Variants in DSCAM observed in about 807,000 individuals in gnomAD.
DSCAM encodes DS cell adhesion molecule, also known as cell adhesion molecule DSCAM.
In DSCAM, 47 loss-of-function variants were observed where a neutral mutation model predicts 217.7. The ratio of observed to expected loss-of-function variants is 0.22; its 90% CI spans 0.17 to 0.28. The LOEUF (loss-of-function observed/expected upper bound fraction) is 0.28, where lower values mean the gene tolerates loss of function less well. Ranked by LOEUF, DSCAM falls within the 10% of genes least tolerant of loss-of-function variation. DSCAM has a pLI of 1.00. For synonymous variants in DSCAM, 1,056 were observed against 1,015.3 expected, an observed-to-expected ratio of 1.04 and a Z score of -0.76; for missense variants, 2,080 against 2,618.3, an observed-to-expected ratio of 0.79 and a Z score of 4.49.
rs764601633 is a variant in DSCAM, at chr21:40,055,878, T to C, written c.4920-38A>G. 4.0e-6 allele frequency: 6 copies of C among 1,507,166 alleles called. No individual in the cohort carries two copies. The African/African-American group carries it at 6.9e-5, about 17-fold the overall frequency. 93.4% of individuals were successfully genotyped at this position (1,507,166 alleles called of 1,614,324 possible). On this transcript the variant is annotated intron_variant, in intron 28 of 32. Transcript: ENST00000400454. ...TGGGGTAATGCATTAACAAATCCAG[T>C]TCAGTGTTAACATTCTACCAACATG... is the stretch of plus-strand genomic sequence containing the variant.
intron 3 of DSCAM, among the ~76,000 whole-genome samples, chr21:40,463,094 C>T (rs1468123203): frequency 6.6e-6 from 1 of 152,012 alleles, no homozygotes; most frequent in African/African-American, 2.4e-5. Context: ...CCACATTTGA[C>T]ATATAAAACA....
intron 20 of DSCAM, among the ~76,000 whole-genome samples, chr21:40,097,640 C>T (rs977487838): frequency 6.6e-6 from 1 of 152,052 alleles, no homozygotes; most frequent in African/African-American, 2.4e-5. Context: ...ATGCTGCTTA[C>T]AAGAAATGTA....
intron 3 of DSCAM, among the ~76,000 whole-genome samples, chr21:40,381,266 G>A (rs2075022143): frequency 1.3e-5 from 2 of 152,014 alleles, no homozygotes; most frequent in Non-Finnish European, 2.9e-5. Context: ...TTTGGACTTT[G>A]GGGAATTGAA....
intron 3 of DSCAM, among the ~76,000 whole-genome samples, chr21:40,514,549 C>G (rs549160640): frequency 6.6e-6 from 1 of 152,172 alleles, no homozygotes; most frequent in Non-Finnish European, 1.5e-5. Flanking sequence ...CAATAAATAG[C>G]AGACAGACTA....
At chr21:40,282,221 A>G (rs1403050676) in intron 10 of DSCAM, among the ~76,000 whole-genome samples, 3 of 152,198 alleles carry the variant, frequency 2.0e-5, no homozygotes, top group Non-Finnish European at 2.9e-5. Flanking sequence ...CTGTAAATTG[A>G]GAATAGATTT....
intron 11 of DSCAM, among the ~76,000 whole-genome samples, chr21:40,266,419 A>C (rs1456123585): frequency 6.6e-6 from 1 of 152,070 alleles, no homozygotes; most frequent in African/African-American, 2.4e-5. Flanking sequence ...AAATTAGCAC[A>C]ATCTCTACAG....
intron 10 of DSCAM, among the ~76,000 whole-genome samples, chr21:40,289,711 G>T (rs1476149629): frequency 6.6e-6 from 1 of 152,206 alleles, no homozygotes; most frequent in Non-Finnish European, 1.5e-5. Flanking sequence ...GTATGCATGT[G>T]TAGGAAAGCG....
intron 3 of DSCAM, among the ~76,000 whole-genome samples, chr21:40,619,825 A>G (rs1046317022): frequency 6.7e-6 from 1 of 149,316 alleles, no homozygotes; most frequent in African/African-American, 2.5e-5. Context: ...TGAACAGAGA[A>G]GATTTTAAGC....
At chr21:40,746,481 C>A (rs1480616190) in intron 1 of DSCAM, among the ~76,000 whole-genome samples, 1 of 151,162 alleles carries the variant, frequency 6.6e-6, no homozygotes, top group Admixed American at 6.6e-5. Context: ...ACAAAGGGAT[C>A]AATACAGAAA....
intron 27 of DSCAM, among the ~76,000 whole-genome samples, chr21:40,067,804 G>A (rs956771801): frequency 1.5e-5 from 2 of 133,594 alleles, no homozygotes; most frequent in Non-Finnish European, 3.1e-5. Flanking sequence ...TATAATTCCT[G>A]GTCCACGTTT....
chr21:40,374,654 T>C (rs775728369), intron 3 of DSCAM, among the ~76,000 whole-genome samples: 2 of 152,236 alleles, frequency 1.3e-5, no homozygotes, highest in East Asian at 1.9e-4. Context: ...GCACAAAATT[T>C]ATATGATGAA....
chr21:40,619,878 G>C (rs1160376087), intron 3 of DSCAM, among the ~76,000 whole-genome samples: 2 of 149,420 alleles, frequency 1.3e-5, no homozygotes, highest in African/African-American at 4.9e-5. Context: ...AGTAATTAAG[G>C]TAATATCATT....
intron 10 of DSCAM, among the ~76,000 whole-genome samples, chr21:40,293,227 C>A (rs139720572): frequency 6.6e-6 from 1 of 152,234 alleles, no homozygotes; most frequent in Non-Finnish European, 1.5e-5. Flanking sequence ...CAGAGAGATG[C>A]TGGCAAAATT....
At chr21:40,845,621 T>C (rs1382282663) in intron 1 of DSCAM, among the ~76,000 whole-genome samples, 1 of 151,882 alleles carries the variant, frequency 6.6e-6, no homozygotes, top group African/African-American at 2.4e-5. Context: ...TCTCTCTCTC[T>C]CTCCTCTCTT....
In DSCAM at chr21:40,186,604, C is replaced by T. The variant is rs975974331; in HGVS notation, c.2779+527G>A. 5.9e-5 allele frequency among the ~76,000 whole-genome samples: 9 copies of T among 152,144 alleles called. 1 individual carries two copies. The highest frequency in any genetic ancestry group is 2.6e-4 in the Admixed American group (4 of 15,276). Reference sequence around the variant, plus strand: ...GGCCGAGTGGTCCTGGGTGCAGCAGCCAGTGTCGCCGATGGTCCCTGAGCA... The same window carrying T: ...GGCCGAGTGGTCCTGGGTGCAGCAGTCAGTGTCGCCGATGGTCCCTGAGCA... On this transcript the variant is annotated intron_variant, in intron 14 of 32. Transcript: ENST00000400454.
chr21:40,592,769 G>A (rs2076992974), intron 3 of DSCAM, among the ~76,000 whole-genome samples: 1 of 152,080 alleles, frequency 6.6e-6, no homozygotes, highest in African/African-American at 2.4e-5. Flanking sequence ...TTTCTTCACC[G>A]CACTTGTATC....
chr21:40,324,132 GAA>G (rs796310854), intron 8 of DSCAM, among the ~76,000 whole-genome samples: 1 of 80,164 alleles, frequency 1.2e-5, no homozygotes, highest in African/African-American at 4.9e-5. Context: ...AAAAAAAAAA[GAA>G]AAAAAAAAGA....
At chr21:40,327,416 A>C (rs1456274518) in intron 8 of DSCAM, among the ~76,000 whole-genome samples, 1 of 152,204 alleles carries the variant, frequency 6.6e-6, no homozygotes, top group Non-Finnish European at 1.5e-5. Context: ...ACTTTACTGA[A>C]TTGGTTTATT....
intron 20 of DSCAM, among the ~76,000 whole-genome samples, chr21:40,115,083 T>G (rs1429624874): frequency 6.6e-6 from 1 of 152,156 alleles, no homozygotes; most frequent in Non-Finnish European, 1.5e-5. Flanking sequence ...CAAAGGATTA[T>G]AAAACATGCT....
Sources: gnomAD v4.1 joint callset for allele counts (sites outside exome capture counted in the v4.1 genomes callset) on GRCh38, gnomAD v4.1.1 for gene constraint, MANE v1.5 for transcripts, NCBI Gene and HGNC (gene_info 2026-07-23, HGNC 2026-07-21) for gene names.